The following IFRD1 variants were observed in gnomAD, a reference collection of about 807,000 sequenced individuals.
IFRD1 encodes the protein interferon-related developmental regulator 1.
A neutral mutation model predicts 52.9 loss-of-function variants in IFRD1; 35 were observed. The observed-to-expected ratio is 0.66, with a 90% CI of 0.51 to 0.88. The LOEUF (loss-of-function observed/expected upper bound fraction) is 0.88, where lower values mean the gene tolerates loss of function less well. Ranked by LOEUF, IFRD1 falls within the 40% of genes least tolerant of loss-of-function variation. IFRD1 has a pLI of 0.00. For missense variants in IFRD1, 517 were observed against 550.8 expected, an observed-to-expected ratio of 0.94 and a Z score of 0.61; for synonymous variants, 184 against 188.4, an observed-to-expected ratio of 0.98 and a Z score of 0.19.
At chr7:112,424,942 T>C (rs1464727434) in intron 1 of IFRD1, among the ~76,000 whole-genome samples, 1 of 152,212 alleles carries the variant, frequency 6.6e-6, no homozygotes, top group Non-Finnish European at 1.5e-5. Context: ...TTCTGGAGAA[T>C]GCTCCATGTG....
intron 8 of IFRD1, among the ~76,000 whole-genome samples, chr7:112,466,007 T>C (rs529927575): frequency 6.6e-6 from 1 of 152,166 alleles, no homozygotes; most frequent in African/African-American, 2.4e-5. Flanking sequence ...AAACTTGGTA[T>C]GGAGAGCAGT....
intron 4 of IFRD1, 83 bp from the exon 5 acceptor site, chr7:112,458,778 T>C (rs1795356028): frequency 3.9e-6 from 5 of 1,273,016 alleles, no homozygotes; most frequent in South Asian, 2.4e-5. Context: ...TATTTTGTCA[T>C]TGATCAAATT....
At chr7:112,438,454 G>C (rs1794769548) in intron 1 of IFRD1, among the ~76,000 whole-genome samples, 2 of 152,190 alleles carry the variant, frequency 1.3e-5, no homozygotes, top group Admixed American at 1.3e-4. Flanking sequence ...CAGAGTTTGA[G>C]AGAACAAGGG....
chr7:112,472,082 C>T, intron 9 of IFRD1, 137 bp from the exon 10 acceptor site: 2 of 869,846 alleles, frequency 2.3e-6, no homozygotes, highest in Non-Finnish European at 3.9e-6. Context: ...GTCCACATCT[C>T]AGGTATGGCA....
chr7:112,463,325 A>G (rs1001814045), intron 8 of IFRD1, among the ~76,000 whole-genome samples: 1 of 152,198 alleles, frequency 6.6e-6, no homozygotes, highest in African/African-American at 2.4e-5. Flanking sequence ...TTTCATTCTG[A>G]AACTTTTTTG....
chr7:112,438,061 G>A (rs1453213426), intron 1 of IFRD1, among the ~76,000 whole-genome samples: 1 of 152,210 alleles, frequency 6.6e-6, no homozygotes, highest in Non-Finnish European at 1.5e-5. Context: ...AATATGACCA[G>A]TCTGTGGGAT....
At chr7:112,445,129 C>T (rs942286358) in intron 1 of IFRD1, among the ~76,000 whole-genome samples, 1 of 145,366 alleles carries the variant, frequency 6.9e-6, no homozygotes, top group Non-Finnish European at 1.5e-5. Flanking sequence ...TGCAGTGGCG[C>T]AATCTCGGCT....
In IFRD1 at chr7:112,442,672, C is replaced by G. The variant is rs926577797; in HGVS notation, c.-181-7836C>G. Among the ~76,000 whole-genome samples the G allele has an allele frequency of 1.3e-5, 2 of 152,194 alleles. 1 individual carries two copies. Among genetic ancestry groups the G allele is most frequent in the South Asian group, 4.1e-4 (2 of 4,832 alleles). Reference sequence around the variant, plus strand: ...TCACCTCCAAATGGGCTGAGAGGGACGGACAGCCACGGGCCACCTGGTACT... The same window carrying G: ...TCACCTCCAAATGGGCTGAGAGGGAGGGACAGCCACGGGCCACCTGGTACT... On this transcript the variant is annotated intron_variant, in intron 1 of 12. Transcript: ENST00000005558.
intron 1 of IFRD1, among the ~76,000 whole-genome samples, chr7:112,438,013 T>C (rs1244885104): frequency 1.3e-5 from 2 of 151,752 alleles, no homozygotes; most frequent in African/African-American, 4.8e-5. Context: ...AGGTAAAGAG[T>C]GGCGTAGGGG....
intron 1 of IFRD1, among the ~76,000 whole-genome samples, chr7:112,443,741 G>A (rs1197195861): frequency 1.3e-5 from 2 of 151,782 alleles, no homozygotes. Flanking sequence ...GGTGGTGAAC[G>A]CCTGTAATCC....
intron 1 of IFRD1, among the ~76,000 whole-genome samples, chr7:112,455,336 T>G (rs1020781995): frequency 2.8e-4 from 42 of 152,028 alleles, no homozygotes; most frequent in African/African-American, 9.6e-4. Context: ...ACACAAAAAA[T>G]TTGTCAGGCG....
chr7:112,456,460 T>C (rs1382274650), intron 3 of IFRD1, among the ~76,000 whole-genome samples: 1 of 152,182 alleles, frequency 6.6e-6, no homozygotes, highest in Non-Finnish European at 1.5e-5. Context: ...TGTCCACTAA[T>C]GTTATGATAT....
intron 1 of IFRD1, among the ~76,000 whole-genome samples, chr7:112,451,527 A>G (rs1404348242): frequency 1.3e-5 from 2 of 152,204 alleles, no homozygotes; most frequent in Non-Finnish European, 2.9e-5. Flanking sequence ...AGTGAGCCCC[A>G]GAGAGGCAGG....
chr7:112,461,646 G>T (rs1476430949), intron 5 of IFRD1: 1 of 323,850 alleles, frequency 3.1e-6, no homozygotes. Flanking sequence ...CTTTGTTAAA[G>T]TCATGCTGTG....
At chr7:112,474,830 T>G (rs938399348) in intron 11 of IFRD1, among the ~76,000 whole-genome samples, 4 of 138,712 alleles carry the variant, frequency 2.9e-5, no homozygotes. Context: ...TTAGTCATGA[T>G]TTGTCTTTTC....
chr7:112,439,363 CTG>C (rs1468524959), intron 1 of IFRD1, among the ~76,000 whole-genome samples: 2 of 152,184 alleles, frequency 1.3e-5, no homozygotes, highest in African/African-American at 2.4e-5. Flanking sequence ...GCATATAAGA[CTG>C]TTAGAAATTG....
chr7:112,464,505 T>A (rs896165133), intron 8 of IFRD1, among the ~76,000 whole-genome samples: 1 of 152,192 alleles, frequency 6.6e-6, no homozygotes, highest in Non-Finnish European at 1.5e-5. Context: ...GCAACTTCTC[T>A]ATGCCTCGGT....
At chr7:112,424,661 C>T (rs7790141) in intron 1 of IFRD1, among the ~76,000 whole-genome samples, 121 of 152,012 alleles carry the variant, frequency 8.0e-4, no homozygotes, top group Non-Finnish European at 5.4e-4. Flanking sequence ...GTGATCCACC[C>T]GCCTCAGCCT....
At chr7:112,467,704 A>G (rs1465196283) in intron 8 of IFRD1, 2 of 409,998 alleles carry the variant, frequency 4.9e-6, no homozygotes, top group South Asian at 2.1e-5. Context: ...TGTCTTATAT[A>G]TGGTGGGAAC....
Sources: gnomAD v4.1 joint callset for allele counts (sites outside exome capture counted in the v4.1 genomes callset) on GRCh38, gnomAD v4.1.1 for gene constraint, MANE v1.5 for transcripts, NCBI Gene and HGNC (gene_info 2026-07-23, HGNC 2026-07-21) for gene names.